Variants in MCTP2 observed in about 807,000 individuals in gnomAD.
MCTP2 encodes the protein multiple C2 and transmembrane domain-containing protein 2.
MCTP2 carries 132 observed loss-of-function variants against 111.6 expected under a neutral mutation model. That is an observed-to-expected ratio of 1.18 (90% CI 1.03 to 1.37). The LOEUF is 1.37. Ranked by LOEUF, MCTP2 falls within the 40% of genes most tolerant of loss-of-function variation. The pLI is 0.00. For missense variants in MCTP2, 1,183 were observed against 1,067.9 expected, an observed-to-expected ratio of 1.11 and a Z score of -1.50; for synonymous variants, 395 against 387.7, an observed-to-expected ratio of 1.02 and a Z score of -0.22.
At chr15:94,455,010 C>T (rs188083144) in intron 19 of MCTP2, among the ~76,000 whole-genome samples, 10 of 152,220 alleles carry the variant, frequency 6.6e-5, no homozygotes, top group East Asian at 1.9e-4. Flanking sequence ...TTAGTAGAGA[C>T]GGGGTTTTAC....
chr15:94,476,889 T>C, intron 22 of MCTP2, 96 bp downstream of exon 22: 2 of 729,482 alleles, frequency 2.7e-6, no homozygotes, highest in East Asian at 2.6e-5. Context: ...GTGTGAGTAA[T>C]TGAGATAAGG....
At chr15:94,357,934 A>G (rs12898901) in intron 9 of MCTP2, among the ~76,000 whole-genome samples, 68,618 of 152,026 alleles carry the variant, frequency 0.45, 15,659 homozygotes, top group Admixed American at 0.5. Flanking sequence ...CTGCAGTGGA[A>G]TTTCCTAGTC....
chr15:94,444,896 G>C (rs1350043365), intron 19 of MCTP2, among the ~76,000 whole-genome samples: 1 of 152,120 alleles, frequency 6.6e-6, no homozygotes, highest in African/African-American at 2.4e-5. Context: ...TAGGAATAAC[G>C]GTGACCATGT....
chr15:94,265,145 A>G (rs2073440776), intron 1 of MCTP2, among the ~76,000 whole-genome samples: 1 of 152,198 alleles, frequency 6.6e-6, no homozygotes, highest in South Asian at 2.1e-4. Context: ...TTCCATATCC[A>G]GGCCTACCTA....
intron 2 of MCTP2, among the ~76,000 whole-genome samples, chr15:94,308,810 G>C (rs1053513705): frequency 2.0e-5 from 3 of 152,168 alleles, no homozygotes; most frequent in Admixed American, 1.3e-4. Flanking sequence ...GACAACACAA[G>C]AACAAGTAGA....
chr15:94,362,953 A>AG (rs760253444), intron 10 of MCTP2, among the ~76,000 whole-genome samples: 10 of 152,218 alleles, frequency 6.6e-5, no homozygotes, highest in Non-Finnish European at 1.3e-4. Context: ...TTTGCAGGAA[A>AG]GGGAAAAAAA....
At chr15:94,263,698 A>C (rs998175202) in intron 1 of MCTP2, among the ~76,000 whole-genome samples, 1 of 152,242 alleles carries the variant, frequency 6.6e-6, no homozygotes, top group Non-Finnish European at 1.5e-5. Context: ...CACGGAAAGA[A>C]GAGTTACAGT....
chr15:94,342,304 C>T (rs1172924231), intron 7 of MCTP2: 1 of 152,040 alleles, frequency 6.6e-6, no homozygotes, highest in Non-Finnish European at 1.5e-5. Context: ...ATTTTAGTTT[C>T]AATTTATTTC....
intron 2 of MCTP2, among the ~76,000 whole-genome samples, chr15:94,311,721 T>G (rs184389926): frequency 3.1e-4 from 47 of 152,364 alleles, no homozygotes; most frequent in African/African-American, 8.7e-4. Context: ...ATTAATGTCA[T>G]TGCTCACATT....
intron 1 of MCTP2, among the ~76,000 whole-genome samples, chr15:94,235,500 A>G (rs1318147990): frequency 6.6e-6 from 1 of 152,202 alleles, no homozygotes; most frequent in Non-Finnish European, 1.5e-5. Context: ...CAGATAGGGC[A>G]TGGAATCCCT....
intron 20 of MCTP2, among the ~76,000 whole-genome samples, chr15:94,467,847 A>G (rs1424466383): frequency 6.6e-6 from 1 of 152,196 alleles, no homozygotes; most frequent in Non-Finnish European, 1.5e-5. Flanking sequence ...CTGCTGTGGA[A>G]TAGAGAAGTT....
At chr15:94,457,126 G>T (rs1410945119) in intron 19 of MCTP2, among the ~76,000 whole-genome samples, 10 of 152,168 alleles carry the variant, frequency 6.6e-5, no homozygotes. Flanking sequence ...TAGGAAAAAA[G>T]TTCTGTAAGA....
At chr15:94,464,257 T>TTATATATATATATATATTATATA (rs1555481314) in intron 20 of MCTP2, among the ~76,000 whole-genome samples, 3 of 44,944 alleles carry the variant, frequency 6.7e-5, no homozygotes, top group Admixed American at 2.6e-4. Context: ...TATATATATA[T>TTATATATATATATATATTATATA]TATATATATA....
At chr15:94,305,488 T>G (rs1312069063) in intron 2 of MCTP2, among the ~76,000 whole-genome samples, 2 of 152,162 alleles carry the variant, frequency 1.3e-5, no homozygotes, top group Admixed American at 1.3e-4. Flanking sequence ...CATGCGGATA[T>G]ATATATATAT....
At chr15:94,444,974 C>CT (rs2084035230) in intron 19 of MCTP2, among the ~76,000 whole-genome samples, 1 of 152,168 alleles carries the variant, frequency 6.6e-6, no homozygotes, top group African/African-American at 2.4e-5. Flanking sequence ...TATTCAGTGA[C>CT]TGGCAAGCAA....
chr15:94,273,573 C>T, intron 1 of MCTP2: 1 of 201,698 alleles, frequency 5.0e-6, no homozygotes, highest in Non-Finnish European at 1.1e-5. Flanking sequence ...CGCAGGTATG[C>T]AGGAAGGTCA....
In MCTP2 at chr15:94,403,161, T is replaced by C. The variant is rs151122630; in HGVS notation, c.2085+1142T>C. On this transcript the variant is annotated intron_variant, in intron 17 of 22. Transcript: ENST00000357742. ...CTCCACTGCTTCGGTGTAGAGGACC[T>C]ATGCTGCCTGTAGGCTTGACCTTTC... is the stretch of plus-strand genomic sequence containing the variant. 6.0e-4 allele frequency: 588 copies of C among 984,246 alleles called. 2 individuals carry two copies. In the African/African-American group the frequency reaches 9.7e-3, roughly 16 times the overall value. 61.0% of individuals were successfully genotyped at this position (984,246 alleles called of 1,614,324 possible).
intron 12 of MCTP2, among the ~76,000 whole-genome samples, chr15:94,371,608 T>A (rs1226125268): frequency 6.6e-6 from 1 of 152,200 alleles, no homozygotes; most frequent in African/African-American, 2.4e-5. Context: ...ATATATATAT[T>A]TTAATCTCCA....
intron 4 of MCTP2, among the ~76,000 whole-genome samples, chr15:94,336,389 TGTTATATTTCTGG>T (rs143013778): frequency 8.1e-4 from 123 of 152,236 alleles, no homozygotes; most frequent in African/African-American, 2.9e-3. Context: ...TTGGACTTTG[TGTTATATTTCTGG>T]GTTGCCTGCT....
Sources: gnomAD v4.1 joint callset for allele counts (sites outside exome capture counted in the v4.1 genomes callset) on GRCh38, gnomAD v4.1.1 for gene constraint, MANE v1.5 for transcripts, NCBI Gene and HGNC (gene_info 2026-07-23, HGNC 2026-07-21) for gene names.